SNX29: variants seen among roughly 807,000 people sequenced by gnomAD.
The protein encoded by SNX29 is sorting nexin 29, also known as sorting nexin-29.
In SNX29, 78 loss-of-function variants were observed where a neutral mutation model predicts 102.1. The ratio of observed to expected loss-of-function variants is 0.76; its 90% CI spans 0.64 to 0.92. The LOEUF (loss-of-function observed/expected upper bound fraction) is 0.92, where lower values mean the gene tolerates loss of function less well. Among genes scored for constraint, SNX29 ranks in the 40% least tolerant of loss-of-function variants. SNX29 has a pLI of 0.00. For synonymous variants in SNX29, 580 were observed against 414.5 expected (o/e 1.40, Z -4.85); for missense variants, 1,280 against 1,061.7 (o/e 1.21, Z -2.86).
chr16:12,529,991 A>G (rs2076888822), intron 20 of SNX29, among the ~76,000 whole-genome samples: 1 of 152,102 alleles, frequency 6.6e-6, no homozygotes, highest in South Asian at 2.1e-4. Flanking sequence ...CTGCAGGCAT[A>G]TTGGTTAGGT....
intron 4 of SNX29, among the ~76,000 whole-genome samples, chr16:12,030,844 A>G (rs779365941): frequency 2.6e-4 from 40 of 152,088 alleles, no homozygotes; most frequent in Non-Finnish European, 4.6e-4. Context: ...GCCAGGGCTG[A>G]CAGGCAGCGG....
chr16:12,495,470 G>A (rs2088775802), intron 19 of SNX29, among the ~76,000 whole-genome samples: 1 of 152,162 alleles, frequency 6.6e-6, no homozygotes, highest in South Asian at 2.1e-4. Context: ...CTGTCTCCTG[G>A]AAGAACTGTT....
Position 12,078,833 on chromosome 16 carries a change from T to C in SNX29, c.1320T>C (p.Ser440=), listed in dbSNP as rs1464253737. Residue 440 remains serine, a splice_region_variant and synonymous_variant, in exon 11 of 21, where the codon AGT becomes AGC. Transcript: ENST00000566228. ...HVLPDPGLRY[S]VEASSPGHGS... ...CTTCCTCCTGCCTGCTTTTTCCTAG[T>C]GTGGAAGCCAGCTCTCCAGGCCACG... 5 of 1,599,150 alleles carry C rather than the reference T, an allele frequency of 3.1e-6. No individual in the cohort carries two copies. The South Asian group carries it at 4.5e-5, about 15-fold the overall frequency.
At chr16:12,089,851 T>C (rs1049653148) in intron 11 of SNX29, 1 of 400,460 alleles carries the variant, frequency 2.5e-6, no homozygotes, top group Admixed American at 3.0e-5. Context: ...CCTTCACTGC[T>C]CCTTCCCTCC....
At chr16:12,230,900 G>T (rs1157400424) in intron 14 of SNX29, among the ~76,000 whole-genome samples, 4 of 152,164 alleles carry the variant, frequency 2.6e-5, no homozygotes, top group Admixed American at 6.5e-5. Context: ...AGGCTGGAGT[G>T]CAGTGCCATG....
At chr16:12,148,752 C>T (rs2055172135) in intron 13 of SNX29, among the ~76,000 whole-genome samples, 1 of 152,096 alleles carries the variant, frequency 6.6e-6, no homozygotes, top group Admixed American at 6.6e-5. Flanking sequence ...GGCTGGAGTA[C>T]AATGGCACGA....
chr16:12,534,759 T>G (rs2077025732), intron 20 of SNX29, among the ~76,000 whole-genome samples: 1 of 152,194 alleles, frequency 6.6e-6, no homozygotes, highest in Admixed American at 6.5e-5. Context: ...GTGGCTTTCT[T>G]TCTGCGTCTA....
Position 12,571,762 on chromosome 16 carries a change from C to G in SNX29, c.*3133C>G, listed in dbSNP as rs1010355895. ...CCTAGCCCAACCATCCACTCCTGAT[C>G]TGAGACAGAACCTTCTCCGCCACTC... On this transcript the variant is annotated 3_prime_UTR_variant, in exon 21 of 21. Coordinates refer to ENST00000566228, the MANE Select transcript of SNX29 (RefSeq NM_032167.5). The G allele has an allele frequency of 1.5e-5, 15 of 1,012,226 alleles. No homozygotes were observed. The East Asian group carries it at 3.1e-4, about 21-fold the overall frequency. 62.7% of individuals were successfully genotyped at this position (1,012,226 alleles called of 1,614,324 possible).
chr16:12,074,236 T>C (rs893705541), intron 10 of SNX29, among the ~76,000 whole-genome samples: 3 of 152,062 alleles, frequency 2.0e-5, no homozygotes, highest in Non-Finnish European at 1.5e-5. Context: ...TTATTTTGCT[T>C]GTTAGTTGAT....
At chr16:12,269,859 CATTATT>C (rs72147365) in intron 14 of SNX29, among the ~76,000 whole-genome samples, 5 of 150,490 alleles carry the variant, frequency 3.3e-5, no homozygotes, top group African/African-American at 4.9e-5. Flanking sequence ...TCATCATCAT[CATTATT>C]ATTATTATTA....
chr16:12,014,042 C>G (rs540608325), intron 3 of SNX29, among the ~76,000 whole-genome samples: 1 of 152,150 alleles, frequency 6.6e-6, no homozygotes, highest in African/African-American at 2.4e-5. Flanking sequence ...AGTGATCCTC[C>G]CTCCTCAAAC....
chr16:12,047,267 T>A (rs904366182), intron 6 of SNX29, among the ~76,000 whole-genome samples: 1 of 152,214 alleles, frequency 6.6e-6, no homozygotes, highest in Admixed American at 6.5e-5. Context: ...TGTTCGCCCT[T>A]TGACTCAAAG....
At chr16:12,276,451 G>A (rs993454373) in intron 14 of SNX29, among the ~76,000 whole-genome samples, 5 of 152,162 alleles carry the variant, frequency 3.3e-5, no homozygotes, top group African/African-American at 1.2e-4. Context: ...TGGCTTAGTT[G>A]CATCAGTTTT....
intron 20 of SNX29, among the ~76,000 whole-genome samples, chr16:12,535,625 A>T (rs1350231707): frequency 6.6e-6 from 1 of 152,160 alleles, no homozygotes; most frequent in Admixed American, 6.5e-5. Flanking sequence ...CAGTCACACC[A>T]ACATGAAGCA....
At chr16:12,310,732 CAA>C (rs1200086032) in intron 15 of SNX29, among the ~76,000 whole-genome samples, 2 of 152,042 alleles carry the variant, frequency 1.3e-5, no homozygotes, top group African/African-American at 4.8e-5. Flanking sequence ...AAACATATGT[CAA>C]AACTTGTCAG....
At chr16:12,223,808 C>T (rs182427629) in intron 14 of SNX29, among the ~76,000 whole-genome samples, 99 of 152,288 alleles carry the variant, frequency 6.5e-4, no homozygotes, top group Non-Finnish European at 1.2e-3. Flanking sequence ...TGGTGGCTGC[C>T]ATGTATTGAG....
chr16:12,006,231 A>AATAATG (rs2056448522), intron 3 of SNX29, among the ~76,000 whole-genome samples: 1 of 151,150 alleles, frequency 6.6e-6, no homozygotes, highest in African/African-American at 2.4e-5. Flanking sequence ...TAATAATAAT[A>AATAATG]ATAGCCAGGC....
Position 12,573,590 on chromosome 16 carries a change from C to T in SNX29, c.*4961C>T, listed in dbSNP as rs1163037337. Reference sequence around the variant, plus strand: ...CCACTCACCCAGGCTTCCCCCACTTCCCCTCAAATTTTCTCAGCTCTGCCG... The same window carrying T: ...CCACTCACCCAGGCTTCCCCCACTTTCCCTCAAATTTTCTCAGCTCTGCCG... On this transcript the variant is annotated 3_prime_UTR_variant, in exon 21 of 21. Transcript: ENST00000566228. 1 of 222,646 alleles carries T rather than the reference C, an allele frequency of 4.5e-6. No individual in the cohort carries two copies. Among genetic ancestry groups the T allele is most frequent in the Non-Finnish European group, 9.0e-6 (1 of 111,374 alleles). 13.8% of individuals were successfully genotyped at this position (222,646 alleles called of 1,614,324 possible).
At chr16:12,282,116 C>T (rs1385288980) in intron 15 of SNX29, among the ~76,000 whole-genome samples, 1 of 145,524 alleles carries the variant, frequency 6.9e-6, no homozygotes, top group Non-Finnish European at 1.5e-5. Flanking sequence ...AAATGCAGAG[C>T]TGGATTTGAA....
Sources: allele counts gnomAD v4.1 joint callset (sites outside exome capture counted in the v4.1 genomes callset), GRCh38; gene constraint gnomAD v4.1.1; transcripts MANE v1.5; gene names NCBI Gene and HGNC (gene_info 2026-07-23, HGNC 2026-07-21).